The following BNC2 variants were observed in gnomAD, a reference collection of about 807,000 sequenced individuals.
BNC2 encodes basonuclin zinc finger protein 2.
A neutral mutation model predicts 76.3 loss-of-function variants in BNC2; 20 were observed. That is an observed-to-expected ratio of 0.26 (90% CI 0.18 to 0.38). The LOEUF is 0.38. Ranked by LOEUF, BNC2 falls within the 10% of genes least tolerant of loss-of-function variation. The pLI, the probability that BNC2 is intolerant of heterozygous loss-of-function variation, is 1.00. For missense variants in BNC2, 1,382 were observed against 1,399.8 expected, an observed-to-expected ratio of 0.99 and a Z score of 0.20; for synonymous variants, 582 against 514.8, an observed-to-expected ratio of 1.13 and a Z score of -1.77.
chr9:16,615,395 G>A (rs1422539589), intron 3 of BNC2, among the ~76,000 whole-genome samples: 1 of 152,098 alleles, frequency 6.6e-6, no homozygotes, highest in African/African-American at 2.4e-5. Context: ...TATATGCAAG[G>A]ACTCTCTGAC....
chr9:16,620,187 C>A (rs2133573025), intron 3 of BNC2, among the ~76,000 whole-genome samples: 1 of 152,174 alleles, frequency 6.6e-6, no homozygotes. Flanking sequence ...TAGACAGAGC[C>A]AAAGGGAGAG....
chr9:16,599,925 T>C (rs1820199479), intron 3 of BNC2, among the ~76,000 whole-genome samples: 3 of 152,192 alleles, frequency 2.0e-5, no homozygotes, highest in African/African-American at 4.8e-5. Context: ...CAATATATTA[T>C]CGGATGACCA....
chr9:16,646,602 G>A (rs1227828421), intron 3 of BNC2, among the ~76,000 whole-genome samples: 1 of 152,066 alleles, frequency 6.6e-6, no homozygotes, highest in East Asian at 1.9e-4. Context: ...GAGATTAACT[G>A]GAAAAGGCAT....
chr9:16,754,597 G>A (rs12238070), intron 1 of BNC2, among the ~76,000 whole-genome samples: 14,070 of 151,394 alleles, frequency 0.093, 847 homozygotes, highest in Admixed American at 0.19. Context: ...TCGCTCTGTT[G>A]CTCAGGCTGT....
At chr9:16,780,757 A>T (rs1826130001) in intron 1 of BNC2, among the ~76,000 whole-genome samples, 1 of 152,190 alleles carries the variant, frequency 6.6e-6, no homozygotes, top group Non-Finnish European at 1.5e-5. Context: ...AAAAATCTGC[A>T]AAAAATAAAA....
chr9:16,671,531 G>A (rs556435135), intron 3 of BNC2, among the ~76,000 whole-genome samples: 1 of 152,256 alleles, frequency 6.6e-6, no homozygotes, highest in Non-Finnish European at 1.5e-5. Flanking sequence ...GAGGGGTTCT[G>A]TTTGACAGAA....
chr9:16,747,848 G>A (rs1368757654), intron 1 of BNC2, among the ~76,000 whole-genome samples: 1 of 152,190 alleles, frequency 6.6e-6, no homozygotes, highest in Non-Finnish European at 1.5e-5. Context: ...GGAGCTCTGG[G>A]AAGGCTCTGT....
At chr9:16,829,876 AAGAAAAT>A (rs1818541086) in intron 1 of BNC2, among the ~76,000 whole-genome samples, 1 of 152,236 alleles carries the variant, frequency 6.6e-6, no homozygotes, top group Admixed American at 6.5e-5. Context: ...TGCCCCCCTA[AAGAAAAT>A]AGAAAACACT....
intron 1 of BNC2, chr9:16,775,748 T>C: frequency 4.8e-6 from 1 of 206,976 alleles, no homozygotes; most frequent in South Asian, 1.1e-4. Context: ...CAAGTCCAAA[T>C]TGATCAATAC....
chr9:16,495,299 T>A (rs1822364710), intron 5 of BNC2, among the ~76,000 whole-genome samples: 1 of 152,204 alleles, frequency 6.6e-6, no homozygotes, highest in African/African-American at 2.4e-5. Context: ...TCCCAGATAT[T>A]ATTTAAATTC....
At chr9:16,489,053 T>G (rs1358705695) in intron 5 of BNC2, among the ~76,000 whole-genome samples, 3 of 152,184 alleles carry the variant, frequency 2.0e-5, no homozygotes, top group Non-Finnish European at 4.4e-5. Context: ...AACAGAAATA[T>G]GTGATCCACA....
intron 3 of BNC2, among the ~76,000 whole-genome samples, chr9:16,684,696 G>C (rs547648588): frequency 6.6e-6 from 1 of 152,044 alleles, no homozygotes; most frequent in African/African-American, 2.4e-5. Context: ...GTTTCCTCAT[G>C]CTAGGGAGTG....
intron 2 of BNC2, among the ~76,000 whole-genome samples, chr9:16,737,679 A>C (rs961884910): frequency 2.6e-5 from 4 of 152,140 alleles, no homozygotes; most frequent in South Asian, 4.1e-4. Flanking sequence ...AAAAATGTTG[A>C]AACAGAGCAA....
At chr9:16,539,195 A>G (rs540466483) in intron 5 of BNC2, among the ~76,000 whole-genome samples, 1 of 152,288 alleles carries the variant, frequency 6.6e-6, no homozygotes, top group East Asian at 1.9e-4. Context: ...CAGGGGGAAA[A>G]AAACAAATAG....
chr9:16,443,339 G>T (rs1821168136), intron 5 of BNC2, among the ~76,000 whole-genome samples: 1 of 152,080 alleles, frequency 6.6e-6, no homozygotes, highest in Non-Finnish European at 1.5e-5. Flanking sequence ...GCTATCTTAA[G>T]AAATTATTTC....
intron 6 of BNC2, among the ~76,000 whole-genome samples, chr9:16,424,766 C>T (rs1042209915): frequency 1.3e-5 from 2 of 152,102 alleles, no homozygotes; most frequent in African/African-American, 4.8e-5. Flanking sequence ...AAATGTAAAC[C>T]TGCTATCAAA....
At chr9:16,751,036 T>C (rs536726630) in intron 1 of BNC2, among the ~76,000 whole-genome samples, 2 of 152,218 alleles carry the variant, frequency 1.3e-5, no homozygotes, top group African/African-American at 4.8e-5. Flanking sequence ...TCACCAACCA[T>C]CAGTCTAAAT....
At chr9:16,512,952 A>T (rs1305703560) in intron 5 of BNC2, among the ~76,000 whole-genome samples, 5 of 152,114 alleles carry the variant, frequency 3.3e-5, no homozygotes, top group Non-Finnish European at 5.9e-5. Context: ...CCTGGCCAAC[A>T]TGGTGAAACC....
At chr9:16,836,460 A>G (rs1419337854) in intron 1 of BNC2, among the ~76,000 whole-genome samples, 1 of 152,118 alleles carries the variant, frequency 6.6e-6, no homozygotes, top group Non-Finnish European at 1.5e-5. Context: ...ATGAATGTGA[A>G]GAAACCTCTA....
Sources: gnomAD v4.1 joint callset for allele counts (sites outside exome capture counted in the v4.1 genomes callset) on GRCh38, gnomAD v4.1.1 for gene constraint, MANE v1.5 for transcripts, NCBI Gene and HGNC (gene_info 2026-07-23, HGNC 2026-07-21) for gene names.